NDUFV2: variants seen among roughly 807,000 people sequenced by gnomAD.
The protein encoded by NDUFV2 is NADH dehydrogenase [ubiquinone] flavoprotein 2, mitochondrial.
A neutral mutation model predicts 31.6 loss-of-function variants in NDUFV2; 18 were observed. That is an observed-to-expected ratio of 0.57 (90% CI 0.39 to 0.84). The LOEUF (loss-of-function observed/expected upper bound fraction) is 0.84. Ranked by LOEUF, NDUFV2 falls within the 40% of genes least tolerant of loss-of-function variation. NDUFV2 has a pLI of 0.00. For missense variants in NDUFV2, 314 were observed against 303.6 expected (o/e 1.03, Z -0.26); for synonymous variants, 83 against 99.8 (o/e 0.83, Z 1.01).
At chr18:9,126,780 C>T (rs752150583) in intron 6 of NDUFV2, 51 bp from the exon 7 acceptor site, 194 of 1,460,378 alleles carry the variant, frequency 1.3e-4, no homozygotes, top group South Asian at 9.1e-5. Flanking sequence ...ATAAATATAT[C>T]GATATAAAAG....
chr18:9,119,660 A>G, intron 4 of NDUFV2, 70 bp downstream of exon 4: 1 of 1,275,898 alleles, frequency 7.8e-7, no homozygotes, highest in Non-Finnish European at 1.1e-6. Flanking sequence ...TTTTATAGAA[A>G]TTACTCTGAT....
chr18:9,126,330 T>G (rs900736350), intron 6 of NDUFV2, among the ~76,000 whole-genome samples: 3 of 152,212 alleles, frequency 2.0e-5, no homozygotes, highest in Non-Finnish European at 4.4e-5. Flanking sequence ...ACTTTATATA[T>G]TTTCTCATTA....
intron 5 of NDUFV2, 135 bp from the exon 6 acceptor site, chr18:9,124,739 C>G: frequency 1.2e-6 from 1 of 839,016 alleles, no homozygotes; most frequent in East Asian, 2.8e-5. Flanking sequence ...TGAGCCACCG[C>G]GCCTGGCCTC....
chr18:9,106,169 T>C (rs770932510), intron 1 of NDUFV2, among the ~76,000 whole-genome samples: 10 of 152,224 alleles, frequency 6.6e-5, no homozygotes, highest in South Asian at 2.1e-4. Flanking sequence ...AGAATTTATA[T>C]ACAGAATGTA....
At chr18:9,131,665 A>T (rs1408858492) in intron 7 of NDUFV2, among the ~76,000 whole-genome samples, 1 of 152,228 alleles carries the variant, frequency 6.6e-6, no homozygotes. Flanking sequence ...GTCTATGTAA[A>T]GTACTTTAAG....
rs558271045 is a variant in NDUFV2, at chr18:9,132,851, G to T, written c.657-1335G>T. 8.5e-5 allele frequency among the ~76,000 whole-genome samples: 13 copies of T among 152,142 alleles called. 1 individual carries two copies. In the East Asian group the frequency reaches 2.5e-3, roughly 29 times the overall value. Reference sequence around the variant, plus strand: ...TATTGCATCACTGCATCCCAGCCTGGGTGACAAAGTGGGACCCTGTCTCAA... The same window carrying T: ...TATTGCATCACTGCATCCCAGCCTGTGTGACAAAGTGGGACCCTGTCTCAA... On this transcript the variant is annotated intron_variant, in intron 7 of 7. Coordinates refer to ENST00000318388, the MANE Select transcript of NDUFV2 (RefSeq NM_021074.5).
At chr18:9,126,374 TAAAC>T (rs950421732) in intron 6 of NDUFV2, among the ~76,000 whole-genome samples, 17 of 152,224 alleles carry the variant, frequency 1.1e-4, no homozygotes, top group Non-Finnish European at 2.2e-4. Flanking sequence ...GGTTTACAAA[TAAAC>T]AAACAAACTT....
intron 7 of NDUFV2, among the ~76,000 whole-genome samples, chr18:9,131,534 A>G (rs898527022): frequency 6.6e-6 from 1 of 152,210 alleles, no homozygotes; most frequent in Non-Finnish European, 1.5e-5. Flanking sequence ...TACAGTTCCA[A>G]TGCGGTTGGT....
chr18:9,105,621 T>A (rs2077837830), intron 1 of NDUFV2, among the ~76,000 whole-genome samples: 2 of 152,242 alleles, frequency 1.3e-5, no homozygotes, highest in Non-Finnish European at 2.9e-5. Flanking sequence ...TTACAGATGC[T>A]CCTTTACTTA....
rs2078035744 is a variant in NDUFV2 at position 9,131,020 on chromosome 18, A to G, written c.657-3166A>G. Among the ~76,000 whole-genome samples the G allele has an allele frequency of 2.0e-5, 3 of 152,370 alleles. No individual in the cohort carries two copies. The South Asian group carries it at 6.2e-4, about 32-fold the overall frequency. On this transcript the variant is annotated intron_variant, in intron 7 of 7. Transcript: ENST00000318388. The stretch of plus-strand genomic sequence containing the variant: ...TCTGTGTGTAACTTTTGACTCCTCC[A>G]AAACTTTACTCATAGCCTGCAGTTG...
chr18:9,116,253 T>C (rs2077897345), intron 1 of NDUFV2, among the ~76,000 whole-genome samples: 1 of 152,182 alleles, frequency 6.6e-6, no homozygotes, highest in Non-Finnish European at 1.5e-5. Context: ...AACTGAGCCC[T>C]GAGGACAGCC....
intron 1 of NDUFV2, among the ~76,000 whole-genome samples, chr18:9,109,900 GAAAA>G (rs77620232): frequency 6.7e-6 from 1 of 150,024 alleles, no homozygotes; most frequent in Non-Finnish European, 1.5e-5. Flanking sequence ...CTGAAACACT[GAAAA>G]AAAAATAAGC....
At chr18:9,104,521 T>C (rs556514562) in intron 1 of NDUFV2, among the ~76,000 whole-genome samples, 1 of 152,292 alleles carries the variant, frequency 6.6e-6, no homozygotes, top group South Asian at 2.1e-4. Context: ...ATTAGAGTGC[T>C]TGTAGATTTT....
At chr18:9,116,082 T>C (rs1785560) in intron 1 of NDUFV2, among the ~76,000 whole-genome samples, 18,511 of 152,288 alleles carry the variant, frequency 0.12, 1,309 homozygotes, top group Non-Finnish European at 0.16. Flanking sequence ...GTGAAACTTT[T>C]GTTCATGATC....
In NDUFV2 at chr18:9,116,259, C is replaced by A. The variant is rs1036537704; in HGVS notation, c.55-1579C>A. Among the ~76,000 whole-genome samples, 5 of 152,300 alleles carry A rather than the reference C, an allele frequency of 3.3e-5. No individual in the cohort carries two copies. The East Asian group carries it at 7.7e-4, about 23-fold the overall frequency. On this transcript the variant is annotated intron_variant, in intron 1 of 7. Coordinates refer to ENST00000318388, the MANE Select transcript of NDUFV2 (RefSeq NM_021074.5). ...AGGAGTGTGAACTGAGCCCTGAGGACAGCCTGCAAGGAGTGGATAAAAAGC... is the reference window on the plus strand; with the variant it reads ...AGGAGTGTGAACTGAGCCCTGAGGAAAGCCTGCAAGGAGTGGATAAAAAGC...
At chr18:9,104,165 TAA>T in intron 1 of NDUFV2, 2 of 1,612,786 alleles carry the variant, frequency 1.2e-6, no homozygotes, top group South Asian at 2.2e-5. Context: ...AAGGACAACT[TAA>T]AGTCTTGTTG....
chr18:9,116,676 T>C (rs548547612), intron 1 of NDUFV2, among the ~76,000 whole-genome samples: 4 of 151,774 alleles, frequency 2.6e-5, no homozygotes, highest in Middle Eastern at 3.4e-3. Flanking sequence ...TGTAAACTTA[T>C]TTATTAATAT....
chr18:9,118,547 G>A (rs929619757), intron 2 of NDUFV2, among the ~76,000 whole-genome samples: 1 of 152,122 alleles, frequency 6.6e-6, no homozygotes, highest in Non-Finnish European at 1.5e-5. Flanking sequence ...TCATTGTCCA[G>A]AGTGTCTGTT....
rs1480283305 is a variant in NDUFV2 at position 9,102,727 on chromosome 18, G to A, written c.-17G>A. ...CTCGCCTGGCGCGGCTGGGGAAGGT[G>A]AACAGTGTGGCCCGCCATGTTCTTC... On this transcript the variant is annotated 5_prime_UTR_variant, in exon 1 of 8. Coordinates refer to ENST00000318388, the MANE Select transcript of NDUFV2 (RefSeq NM_021074.5). 5 of 1,581,694 alleles carry A rather than the reference G, an allele frequency of 3.2e-6. No individual in the cohort carries two copies. The highest frequency in any genetic ancestry group is 2.0e-4 in the Middle Eastern group (1 of 4,902).
Sources: allele counts gnomAD v4.1 joint callset (sites outside exome capture counted in the v4.1 genomes callset), GRCh38; gene constraint gnomAD v4.1.1; transcripts MANE v1.5; gene names NCBI Gene and HGNC (gene_info 2026-07-23, HGNC 2026-07-21).